The following FAR1 variants were observed in gnomAD, a reference collection of about 807,000 sequenced individuals.
FAR1 encodes male sterility domain-containing protein 2.
FAR1 carries 22 observed loss-of-function variants against 61.1 expected under a neutral mutation model. The observed-to-expected ratio is 0.36, with a 90% CI of 0.26 to 0.51. The LOEUF (loss-of-function observed/expected upper bound fraction) is 0.51, where lower values mean the gene tolerates loss of function less well. FAR1 is among the 20% of genes least tolerant of loss of function. FAR1 has a pLI of 0.95. For missense variants in FAR1, 359 were observed against 626.9 expected (o/e 0.57, Z 4.56); for synonymous variants, 206 against 209.7 (o/e 0.98, Z 0.15).
intron 11 of FAR1, among the ~76,000 whole-genome samples, chr11:13,728,373 T>G (rs1033610242): frequency 6.6e-6 from 1 of 151,900 alleles, no homozygotes; most frequent in Admixed American, 6.6e-5. Context: ...AAAAAAAGTT[T>G]GCTCTATTTT....
intron 1 of FAR1, among the ~76,000 whole-genome samples, chr11:13,686,347 T>G (rs1432782072): frequency 6.6e-6 from 1 of 152,232 alleles, no homozygotes; most frequent in Non-Finnish European, 1.5e-5. Context: ...CTCATTTCCT[T>G]TCCGCATACC....
In FAR1 at chr11:13,713,054, T is replaced by C. The variant is rs756518023; in HGVS notation, c.955+21T>C. On this transcript the variant is annotated intron_variant, in intron 8 of 11. Coordinates refer to ENST00000354817, the MANE Select transcript of FAR1 (RefSeq NM_032228.6). ...AGTTGGTATGATTTTACCTGTGTTT[T>C]TGAATGTTAGAATAAATCTTAAAGA... 7 of 1,604,056 alleles carry C rather than the reference T, an allele frequency of 4.4e-6. No homozygotes were observed. The South Asian group carries it at 7.7e-5, about 18-fold the overall frequency.
chr11:13,711,617 G>T (rs923850384), intron 5 of FAR1, 147 bp from the exon 6 acceptor site: 1 of 660,716 alleles, frequency 1.5e-6, no homozygotes, highest in Non-Finnish European at 2.7e-6. Context: ...GGGACTGGTA[G>T]AAATAGTCTG....
rs879382374 is a variant in FAR1 at position 13,668,730 on chromosome 11, G to GCGA, written c.-81_-79dup. 1 of 156,942 alleles carries GCGA rather than the reference G, an allele frequency of 6.4e-6. No individual in the cohort carries two copies. Among genetic ancestry groups the GCGA allele is most frequent in the Non-Finnish European group, 1.4e-5 (1 of 71,316 alleles). The allele number at this position is 156,942 out of a possible 1,614,324, so 9.7% of individuals were successfully genotyped here. A position where few individuals can be genotyped will look rare whatever the true frequency, so the allele number is the denominator to read the frequency against. On this transcript the variant is annotated 5_prime_UTR_variant, in exon 1 of 12. Coordinates refer to ENST00000354817, the MANE Select transcript of FAR1 (RefSeq NM_032228.6). ...CGGTGGAAAAGCGAGTGAAGAGAGC[G>GCGA]CGACGGCGGCGGCGGCGGCGGCGCA...
At chr11:13,698,968 A>G (rs1023905482) in intron 2 of FAR1, among the ~76,000 whole-genome samples, 4 of 152,046 alleles carry the variant, frequency 2.6e-5, no homozygotes, top group Non-Finnish European at 4.4e-5. Flanking sequence ...TGCATACTCT[A>G]TGTTCCAGGC....
chr11:13,678,637 G>A (rs1342516599), intron 1 of FAR1, among the ~76,000 whole-genome samples: 2 of 152,138 alleles, frequency 1.3e-5, no homozygotes, highest in African/African-American at 4.8e-5. Context: ...GGCTGGTTTA[G>A]TAATCCTTGA....
chr11:13,723,507 T>A (rs1848636975), intron 10 of FAR1: 8 of 333,948 alleles, frequency 2.4e-5, no homozygotes, highest in Non-Finnish European at 4.1e-5. Flanking sequence ...TCTCTTTATG[T>A]TTGCCGCTTG....
At chr11:13,715,221 T>A (rs538611123) in intron 9 of FAR1, among the ~76,000 whole-genome samples, 18 of 152,174 alleles carry the variant, frequency 1.2e-4, no homozygotes, top group Non-Finnish European at 2.4e-4. Flanking sequence ...AAAAAATCAC[T>A]AGCATGAGCT....
chr11:13,700,922 A>G (rs1200346284), intron 3 of FAR1, among the ~76,000 whole-genome samples: 3 of 151,560 alleles, frequency 2.0e-5, no homozygotes, highest in Admixed American at 2.0e-4. Context: ...AATTTAAATC[A>G]CACCTTTTTA....
intron 9 of FAR1, among the ~76,000 whole-genome samples, chr11:13,716,466 A>G (rs1473165267): frequency 6.6e-6 from 1 of 152,184 alleles, no homozygotes; most frequent in African/African-American, 2.4e-5. Context: ...TGTGTTTGTG[A>G]TCAGATGAAA....
intron 2 of FAR1, among the ~76,000 whole-genome samples, chr11:13,697,312 A>T (rs559335043): frequency 6.6e-5 from 10 of 152,066 alleles, no homozygotes; most frequent in African/African-American, 2.4e-4. Flanking sequence ...AAATACAAAA[A>T]TTAGCCGGGC....
rs910610329 is a variant in FAR1 at position 13,721,074 on chromosome 11, A to C, written c.1128-656A>C. The stretch of plus-strand genomic sequence containing the variant: ...GTCACACTCCTTTATTTCTGTAAGG[A>C]TGAGTATTGGTGGGGTATGGAGAGG... On this transcript the variant is annotated intron_variant, in intron 9 of 11. Coordinates refer to ENST00000354817, the MANE Select transcript of FAR1 (RefSeq NM_032228.6). The surrounding 1 kb of genome is among the most constrained non-coding windows in gnomAD (Gnocchi z 4.2). The C allele has an allele frequency of 1.3e-5, 2 of 152,146 alleles. No individual in the cohort carries two copies. Among genetic ancestry groups the C allele is most frequent in the African/African-American group, 4.8e-5 (2 of 41,458 alleles). 9.4% of individuals were successfully genotyped at this position (152,146 alleles called of 1,614,324 possible).
chr11:13,710,826 G>A lies in FAR1; in HGVS notation c.679G>A (p.Val227Ile), dbSNP rs1848489912. The change falls in exon 5 of 12, where the codon GTA becomes ATA. Residue 227 changes from valine (V) to isoleucine (I), a missense_variant. Physicochemically the swap from Val to Ile is conservative, Grantham distance 29. This residue lies in a region of FAR1 where 344 missense variants were observed against 570.3 expected (regional missense o/e 0.60). Coordinates refer to ENST00000354817, the MANE Select transcript of FAR1 (RefSeq NM_032228.6). ...QEGAKLNVAI[V>I]RPSIVGASWK... is the part of the protein sequence containing the mutation. ...AGGAGCAAAACTAAATGTGGCAATT[G>A]TAAGGCCATCGATTGTTGGTGCCAG... 1 of 1,612,426 alleles carries A rather than the reference G, an allele frequency of 6.2e-7. No homozygotes were observed. Among genetic ancestry groups the A allele is most frequent in the African/African-American group, 1.3e-5 (1 of 74,956 alleles).
At position 13,731,742 on chromosome 11, in the gene FAR1, GT is replaced by G. The variant is rs765963219; in HGVS notation, c.*2972del. The G allele has an allele frequency of 5.3e-5, 8 of 152,162 alleles. No homozygotes were observed. In the East Asian group the frequency reaches 1.5e-3, roughly 29 times the overall value. 9.4% of individuals were successfully genotyped at this position (152,162 alleles called of 1,614,324 possible). A position where few individuals can be genotyped will look rare whatever the true frequency, so the allele number is the denominator to read the frequency against. On this transcript the variant is annotated 3_prime_UTR_variant, in exon 12 of 12. Transcript: ENST00000354817. The stretch of plus-strand genomic sequence containing the variant: ...CCTGGAATGAGGCAGGTTTTTTTCT[GT>G]TTTCTAAAAAGAGTAACCAAGATAC...
chr11:13,702,690 T>A (rs187016920), intron 3 of FAR1, among the ~76,000 whole-genome samples: 1 of 152,292 alleles, frequency 6.6e-6, no homozygotes, highest in African/African-American at 2.4e-5. Flanking sequence ...TTATGAAGCT[T>A]AGCATGTTTT....
At chr11:13,694,722 T>G in intron 1 of FAR1, 37 bp from the exon 2 acceptor site, 1 of 1,505,028 alleles carries the variant, frequency 6.6e-7, no homozygotes, top group South Asian at 1.3e-5. Flanking sequence ...TGATGGTGAA[T>G]CCTTAAACTA....
Position 13,728,626 on chromosome 11 carries a change from G to A in FAR1, c.1400G>A (p.Arg467His), listed in dbSNP as rs149584748. The A allele has an allele frequency of 3.3e-5, 53 of 1,611,144 alleles. No homozygotes were observed. The highest frequency in any genetic ancestry group is 4.2e-5 in the Non-Finnish European group (49 of 1,178,132). ...TTGCTTTCCAGGTTGCGGAATATAC[G>A]TTATGGTTTTAATACTATCCTTGTG... ...RKHLNKLRNI[R>H]YGFNTILVIL... Residue 467 changes from arginine to histidine, a missense_variant, in exon 12 of 12, where the codon CGT becomes CAT. Transcript: ENST00000354817.
intron 1 of FAR1, among the ~76,000 whole-genome samples, chr11:13,678,331 C>G (rs1848089438): frequency 6.6e-6 from 1 of 152,128 alleles, no homozygotes; most frequent in Non-Finnish European, 1.5e-5. Context: ...GTGGTGCGAT[C>G]TCCGCTCACT....
chr11:13,703,973 C>T (rs1408462834), intron 3 of FAR1, among the ~76,000 whole-genome samples: 5 of 144,598 alleles, frequency 3.5e-5, no homozygotes, highest in Middle Eastern at 3.7e-3. Context: ...GAACCTGGGA[C>T]GTGGAGGTTG....
Sources: gnomAD v4.1 joint callset for allele counts (sites outside exome capture counted in the v4.1 genomes callset) on GRCh38, gnomAD v4.1.1 for gene constraint, gnomAD v4.1.1 regional missense constraint, Gnocchi (gnomAD v3.1) non-coding constraint, MANE v1.5 for transcripts, NCBI Gene and HGNC (gene_info 2026-07-23, HGNC 2026-07-21) for gene names.